The following CDH8 variants were observed in gnomAD, a reference collection of about 807,000 sequenced individuals.
The protein encoded by CDH8 is cadherin-8.
A neutral mutation model predicts 68.1 loss-of-function variants in CDH8; 17 were observed. The ratio of observed to expected loss-of-function variants is 0.25; its 90% CI spans 0.17 to 0.37. The LOEUF is 0.37. Ranked by LOEUF, CDH8 falls within the 10% of genes least tolerant of loss-of-function variation. The pLI is 1.00. For synonymous variants in CDH8, 372 were observed against 365.1 expected, an observed-to-expected ratio of 1.02 and a Z score of -0.21; for missense variants, 763 against 999.3, an observed-to-expected ratio of 0.76 and a Z score of 3.19.
intron 8 of CDH8, among the ~76,000 whole-genome samples, chr16:61,759,458 G>A (rs1167987759): frequency 2.0e-5 from 3 of 152,104 alleles, no homozygotes; most frequent in South Asian, 2.1e-4. Flanking sequence ...AAGAGGGGAT[G>A]GAGAAGGGGA....
At position 61,710,137 on chromosome 16, in the gene CDH8, T is replaced by C. The variant is rs560796892; in HGVS notation, c.1654+3704A>G. Among the ~76,000 whole-genome samples the C allele has an allele frequency of 4.4e-4, 67 of 152,248 alleles. 1 individual carries two copies. The South Asian group carries it at 0.013, about 30-fold the overall frequency. ...TTCTATATGCCAGGCATTGTGCCAATTGATGTCTAAGTCCTAGTTCACACA... is the reference window on the plus strand; with the variant it reads ...TTCTATATGCCAGGCATTGTGCCAACTGATGTCTAAGTCCTAGTTCACACA... On this transcript the variant is annotated intron_variant, in intron 10 of 11. Coordinates refer to ENST00000577390, the MANE Select transcript of CDH8 (RefSeq NM_001796.5).
At chr16:61,775,765 A>G (rs796835999) in intron 8 of CDH8, among the ~76,000 whole-genome samples, 6 of 152,206 alleles carry the variant, frequency 3.9e-5, no homozygotes, top group African/African-American at 1.4e-4. Flanking sequence ...CTTGGCCCAT[A>G]TAAGCCATCA....
At chr16:61,677,619 T>C (rs538382564) in intron 10 of CDH8, among the ~76,000 whole-genome samples, 2 of 152,164 alleles carry the variant, frequency 1.3e-5, no homozygotes, top group Admixed American at 6.6e-5. Flanking sequence ...TTTGGAAATG[T>C]AGTTGGGCTG....
intron 7 of CDH8, among the ~76,000 whole-genome samples, chr16:61,804,766 C>A (rs1961757528): frequency 7.1e-6 from 1 of 140,956 alleles, no homozygotes; most frequent in South Asian, 2.4e-4. Flanking sequence ...AAGACTAAAC[C>A]AGGAAGAAGT....
At chr16:61,688,147 A>C (rs1164823937) in intron 10 of CDH8, among the ~76,000 whole-genome samples, 2 of 152,022 alleles carry the variant, frequency 1.3e-5, no homozygotes, top group African/African-American at 4.8e-5. Context: ...AGGAAGGGGA[A>C]ACCCACACGT....
intron 2 of CDH8, among the ~76,000 whole-genome samples, chr16:61,903,424 C>T (rs1396068583): frequency 6.6e-6 from 1 of 152,292 alleles, no homozygotes; most frequent in African/African-American, 2.4e-5. Flanking sequence ...GCCGGGTTGA[C>T]GCCATTCTCC....
intron 6 of CDH8, among the ~76,000 whole-genome samples, chr16:61,819,104 C>T (rs1187036741): frequency 6.6e-6 from 1 of 152,028 alleles, no homozygotes; most frequent in Non-Finnish European, 1.5e-5. Context: ...TCAAATTCTT[C>T]ACAAACATCG....
chr16:61,880,772 G>A (rs897006806), intron 3 of CDH8, among the ~76,000 whole-genome samples: 3 of 152,126 alleles, frequency 2.0e-5, no homozygotes, highest in African/African-American at 7.2e-5. Flanking sequence ...CCAGACCTGT[G>A]ACATGCTTTG....
chr16:61,745,595 C>CTTTTTTTTTTTT (rs74264140), intron 8 of CDH8, among the ~76,000 whole-genome samples: 1 of 140,046 alleles, frequency 7.1e-6, no homozygotes. Flanking sequence ...TCTTTTCTTT[C>CTTTTTTTTTTTT]TTTTTTTTTT....
intron 7 of CDH8, among the ~76,000 whole-genome samples, chr16:61,812,442 T>G (rs1036867786): frequency 1.3e-5 from 2 of 152,194 alleles, no homozygotes; most frequent in African/African-American, 4.8e-5. Context: ...GGCCATCATT[T>G]CCACTTTTAA....
chr16:61,894,031 T>C (rs1232150694), intron 3 of CDH8, among the ~76,000 whole-genome samples: 1 of 152,068 alleles, frequency 6.6e-6, no homozygotes, highest in Admixed American at 6.6e-5. Flanking sequence ...ACTTACATAG[T>C]CTCTAAGTAT....
At chr16:61,906,398 C>T (rs925427252) in intron 2 of CDH8, among the ~76,000 whole-genome samples, 1 of 152,208 alleles carries the variant, frequency 6.6e-6, no homozygotes, top group East Asian at 1.9e-4. Flanking sequence ...CCACCCACTG[C>T]AGCCTGGTTG....
chr16:61,955,019 G>T (rs1408288866), intron 2 of CDH8, among the ~76,000 whole-genome samples: 1 of 152,200 alleles, frequency 6.6e-6, no homozygotes, highest in African/African-American at 2.4e-5. Context: ...ATGTAGAAAT[G>T]AAACAGAGTC....
intron 2 of CDH8, among the ~76,000 whole-genome samples, chr16:61,945,273 C>G (rs1009249893): frequency 6.6e-6 from 1 of 152,074 alleles, no homozygotes; most frequent in Non-Finnish European, 1.5e-5. Flanking sequence ...GAGAAATGCA[C>G]TCTATCTTTG....
intron 2 of CDH8, among the ~76,000 whole-genome samples, chr16:61,951,462 G>A (rs192913054): frequency 5.6e-5 from 8 of 143,588 alleles, no homozygotes; most frequent in South Asian, 4.4e-4. Context: ...GCAGTGAGCC[G>A]AGATCATGCC....
chr16:61,872,970 C>A (rs1963396955), intron 3 of CDH8, among the ~76,000 whole-genome samples: 1 of 152,100 alleles, frequency 6.6e-6, no homozygotes, highest in Non-Finnish European at 1.5e-5. Context: ...CAGTCAGTTA[C>A]AATTTAGGAC....
At chr16:61,658,208 C>A (rs1487432266) in intron 10 of CDH8, among the ~76,000 whole-genome samples, 2 of 152,012 alleles carry the variant, frequency 1.3e-5, no homozygotes, top group Non-Finnish European at 2.9e-5. Context: ...AGAATATTAG[C>A]AGTTTCACAA....
chr16:61,752,805 T>C (rs1430718521), intron 8 of CDH8, among the ~76,000 whole-genome samples: 3 of 152,336 alleles, frequency 2.0e-5, no homozygotes, highest in East Asian at 1.9e-4. Context: ...AAGTGTAACA[T>C]GTTTTATCTG....
At position 61,653,301 on chromosome 16, in the gene CDH8, A is replaced by G; in HGVS notation, c.*307T>C. ...AATTATGATTTTTTCCTCTATTTAA[A>G]CCATTTATCTAAGGATTAGCCAGGA... On this transcript the variant is annotated 3_prime_UTR_variant, in exon 12 of 12. Transcript: ENST00000577390. 8.4e-7 allele frequency: 1 copy of G among 1,186,260 alleles called. No homozygotes were observed. The highest frequency in any genetic ancestry group is 3.9e-5 in the South Asian group (1 of 25,526). The allele number at this position is 1,186,260 out of a possible 1,614,324, so 73.5% of individuals were successfully genotyped here. A position where few individuals can be genotyped will look rare whatever the true frequency, so the allele number is the denominator to read the frequency against.
Sources: gnomAD v4.1 joint callset for allele counts (sites outside exome capture counted in the v4.1 genomes callset) on GRCh38, gnomAD v4.1.1 for gene constraint, MANE v1.5 for transcripts, NCBI Gene and HGNC (gene_info 2026-07-23, HGNC 2026-07-21) for gene names.